The following HLCS variants were observed in gnomAD, a reference collection of about 807,000 sequenced individuals.
HLCS encodes the protein holocarboxylase synthetase.
In HLCS, 53 loss-of-function variants were observed where a neutral mutation model predicts 75.0. The ratio of observed to expected loss-of-function variants is 0.71; its 90% CI spans 0.57 to 0.89. HLCS has a LOEUF of 0.89. Among genes scored for constraint, HLCS ranks in the 40% least tolerant of loss-of-function variants. The probability of loss-of-function intolerance (pLI) is 0.00; values close to 1 mark genes in which losing one functional copy is unlikely to be tolerated. For synonymous variants in HLCS, 431 were observed against 428.6 expected (o/e 1.01, Z -0.07); for missense variants, 966 against 1,074.0 (o/e 0.90, Z 1.41).
At chr21:36,913,063 T>G (rs2065788261) in intron 5 of HLCS, among the ~76,000 whole-genome samples, 1 of 152,194 alleles carries the variant, frequency 6.6e-6, no homozygotes, top group African/African-American at 2.4e-5. Flanking sequence ...CTGGGTGCTG[T>G]GGACCCAAGA....
At position 36,897,003 on chromosome 21, in the gene HLCS, A is replaced by G. The variant is rs2065039214; in HGVS notation, c.1749T>C (p.Cys583=). 1 of 1,614,100 alleles carries G rather than the reference A, an allele frequency of 6.2e-7. No homozygotes were observed. Among genetic ancestry groups the G allele is most frequent in the Admixed American group, 1.7e-5 (1 of 60,010 alleles). ...CCTCCATGTTGGTCACCACAGGTAT[A>G]CAAGATGGGGTTATTTCTACTTCAG... ...YVSEVEITPS[C]IPVVTNMEAF... Residue 583 remains cysteine, a synonymous_variant, in exon 6 of 11, where the codon TGT becomes TGC. Coordinates refer to ENST00000674895, the MANE Select transcript of HLCS (RefSeq NM_001352514.2).
intron 1 of HLCS, chr21:36,980,423 C>T (rs886323985): frequency 6.6e-6 from 1 of 152,162 alleles, no homozygotes; most frequent in Non-Finnish European, 1.5e-5. Context: ...ACAAGAAAAA[C>T]GCCGAGTCCG....
chr21:36,820,796 C>T (rs2061815738), intron 6 of HLCS, among the ~76,000 whole-genome samples: 1 of 152,242 alleles, frequency 6.6e-6, no homozygotes, highest in African/African-American at 2.4e-5. Flanking sequence ...GCTCCATCTT[C>T]AAGTCAAGGA....
At chr21:36,956,572 C>CA (rs955964318) in intron 2 of HLCS, among the ~76,000 whole-genome samples, 26 of 151,438 alleles carry the variant, frequency 1.7e-4, no homozygotes, top group East Asian at 7.8e-4. Flanking sequence ...ACTAAACATA[C>CA]AAAAAAAATT....
intron 6 of HLCS, among the ~76,000 whole-genome samples, chr21:36,777,124 G>A (rs1023974540): frequency 4.6e-5 from 7 of 152,086 alleles, no homozygotes; most frequent in Non-Finnish European, 8.8e-5. Context: ...GTTAGGGTTC[G>A]TGCTTTGTGC....
At chr21:36,974,312 A>G (rs1196179614) in intron 1 of HLCS, 1 of 152,404 alleles carries the variant, frequency 6.6e-6, no homozygotes, top group African/African-American at 2.4e-5. Flanking sequence ...ACGGCAGAAG[A>G]GCCTCCAGGA....
At chr21:36,799,554 A>G (rs189926839) in intron 6 of HLCS, among the ~76,000 whole-genome samples, 1 of 152,330 alleles carries the variant, frequency 6.6e-6, no homozygotes, top group East Asian at 1.9e-4. Flanking sequence ...CACCTTGGAA[A>G]CCATCAATTT....
At chr21:36,970,302 G>A (rs898189785), upstream of HLCS, among the ~76,000 whole-genome samples, 3 of 152,102 alleles carry the variant, frequency 2.0e-5, no homozygotes, top group Admixed American at 6.6e-5. Context: ...GTGCAATCCC[G>A]ACTCACTGCA....
At chr21:36,800,568 A>C (rs771815575) in intron 6 of HLCS, among the ~76,000 whole-genome samples, 2 of 152,192 alleles carry the variant, frequency 1.3e-5, no homozygotes, top group Non-Finnish European at 2.9e-5. Context: ...GAGGAAACAG[A>C]GGCAGGAAGG....
intron 6 of HLCS, among the ~76,000 whole-genome samples, chr21:36,790,327 C>G (rs1372168632): frequency 6.6e-6 from 1 of 152,104 alleles, no homozygotes; most frequent in Non-Finnish European, 1.5e-5. Flanking sequence ...TTGCTTGAAC[C>G]CAGGAGGTGA....
chr21:36,823,610 GGTGTGT>G (rs59724760), intron 6 of HLCS, among the ~76,000 whole-genome samples: 159 of 132,820 alleles, frequency 1.2e-3, no homozygotes, highest in African/African-American at 3.5e-3. Flanking sequence ...AAACGTGCAG[GGTGTGT>G]GTGTGTGTGT....
At position 36,983,453 on chromosome 21, in the gene HLCS, C is replaced by G. The variant is rs573403133; in HGVS notation, c.-393+6705G>C. On this transcript the variant is annotated intron_variant, in intron 1 of 11. Coordinates refer to the HLCS transcript ENST00000336648. ...CTCGAACCCCTGACCTCAAGTGACC[C>G]GCCCACCTCGACCTCCCAAAGTGCT... Among the ~76,000 whole-genome samples, 7 of 151,748 alleles carry G rather than the reference C, an allele frequency of 4.6e-5. No individual in the cohort carries two copies. The East Asian group carries it at 1.2e-3, about 26-fold the overall frequency.
At chr21:36,963,997 G>A (rs1162432314) in intron 1 of HLCS, among the ~76,000 whole-genome samples, 7 of 152,282 alleles carry the variant, frequency 4.6e-5, no homozygotes, top group Admixed American at 2.0e-4. Flanking sequence ...CAAGGTGGGC[G>A]GATCACCTGA....
At position 36,966,585 on chromosome 21, in the gene HLCS, C is replaced by G. The variant is rs906555971; in HGVS notation, c.54G>C (p.Pro18=). The G allele has an allele frequency of 8.0e-6, 8 of 995,062 alleles. No homozygotes were observed. The highest frequency in any genetic ancestry group is 1.8e-5 in the African/African-American group (1 of 57,042). 61.6% of individuals were successfully genotyped at this position (995,062 alleles called of 1,614,324 possible). ...GCACCGTGGCGCGCACGAGCTCAGC[C>G]GGCCGGCGACCCCAGCGCGCCCACA... ...LYLWARWGRR[P]AELVRATVRR... The change falls in exon 1 of 11, where the codon CCG becomes CCC. Residue 18 remains proline (P), a synonymous_variant. Coordinates refer to ENST00000674895, the MANE Select transcript of HLCS (RefSeq NM_001352514.2).
intron 2 of HLCS, among the ~76,000 whole-genome samples, chr21:36,945,507 T>C (rs1165286826): frequency 6.6e-6 from 1 of 152,240 alleles, no homozygotes; most frequent in Non-Finnish European, 1.5e-5. Context: ...TGATGCATGT[T>C]ACAACGTGGA....
At chr21:36,912,841 G>A (rs1484686332) in intron 5 of HLCS, among the ~76,000 whole-genome samples, 3 of 152,108 alleles carry the variant, frequency 2.0e-5, no homozygotes, top group Non-Finnish European at 2.9e-5. Flanking sequence ...GAGGGGTCTC[G>A]CTGTGCTCTC....
At chr21:36,788,194 G>C (rs1342782192) in intron 6 of HLCS, among the ~76,000 whole-genome samples, 1 of 152,226 alleles carries the variant, frequency 6.6e-6, no homozygotes, top group African/African-American at 2.4e-5. Context: ...GCTCGGTGAA[G>C]CGTCTTCCTG....
At position 36,754,183 on chromosome 21, in the gene HLCS, T is replaced by C; in HGVS notation, c.*63A>G. 1 of 1,514,234 alleles carries C rather than the reference T, an allele frequency of 6.6e-7. No homozygotes were observed. Among genetic ancestry groups the C allele is most frequent in the Non-Finnish European group, 9.1e-7 (1 of 1,096,236 alleles). 93.8% of individuals were successfully genotyped at this position (1,514,234 alleles called of 1,614,324 possible). On this transcript the variant is annotated 3_prime_UTR_variant, in exon 11 of 11. Transcript: ENST00000674895. Reference sequence around the variant, plus strand: ...GAGGAAAAGAAAATTCACCTACAACTCTAAATTAGATTTCCAGATGCATGG... The same window carrying C: ...GAGGAAAAGAAAATTCACCTACAACCCTAAATTAGATTTCCAGATGCATGG...
chr21:36,982,464 T>C (rs1190148442), intron 1 of HLCS, among the ~76,000 whole-genome samples: 2 of 152,222 alleles, frequency 1.3e-5, no homozygotes, highest in South Asian at 2.1e-4. Context: ...TACACTCCCA[T>C]TAAAAGTGAC....
Sources: allele counts gnomAD v4.1 joint callset (sites outside exome capture counted in the v4.1 genomes callset), GRCh38; gene constraint gnomAD v4.1.1; transcripts MANE v1.5; gene names NCBI Gene and HGNC (gene_info 2026-07-23, HGNC 2026-07-21).